The following MEIOB variants were observed in gnomAD, a reference collection of about 807,000 sequenced individuals.
The protein encoded by MEIOB is meiosis specific with OB-fold.
Under a neutral mutation model 53.1 loss-of-function variants are expected in MEIOB, and 50 were observed. The observed-to-expected ratio is 0.94, with a 90% confidence interval of 0.75 to 1.19. The LOEUF (loss-of-function observed/expected upper bound fraction) is 1.19. MEIOB is among the 50% of genes most tolerant of loss of function. MEIOB has a pLI of 0.00. For synonymous variants in MEIOB, 192 were observed against 182.5 expected (o/e 1.05, Z -0.42); for missense variants, 551 against 550.8 (o/e 1.00, Z 0.00).
At position 1,841,925 on chromosome 16, in the gene MEIOB, G is replaced by A. The variant is rs1191075607; in HGVS notation, c.929C>T (p.Ala310Val). Reference protein sequence around the residue: ...VYTVEQLKGKALKNEGKADPS... With the variant: ...VYTVEQLKGKVLKNEGKADPS... ...ATCAGCTTTTCCTTCATTCTTCAAA[G>A]CTTTTCCCTTTAATTGTTCAACTGT... The change falls in exon 11 of 14, where the codon GCT (alanine) becomes GTT (valine). Residue 310 changes from alanine (A) to valine (V), a missense_variant. Transcript: ENST00000325962. 1 of 1,608,132 alleles carries A rather than the reference G, an allele frequency of 6.2e-7. No homozygotes were observed. The highest frequency in any genetic ancestry group is 8.5e-7 in the Non-Finnish European group (1 of 1,177,176).
chr16:1,845,559 G>C (rs1053991929), intron 9 of MEIOB, among the ~76,000 whole-genome samples: 2 of 151,970 alleles, frequency 1.3e-5, no homozygotes, highest in African/African-American at 4.8e-5. Context: ...TTATCTGGAA[G>C]AATATATACG....
intron 9 of MEIOB, among the ~76,000 whole-genome samples, chr16:1,847,541 CAGG>C (rs1215807630): frequency 6.9e-6 from 1 of 145,904 alleles, no homozygotes; most frequent in Non-Finnish European, 1.5e-5. Context: ...GAGGCTGAGG[CAGG>C]AGGATTTCTT....
chr16:1,849,932 T>C (rs1376926098), intron 9 of MEIOB, among the ~76,000 whole-genome samples: 2 of 152,234 alleles, frequency 1.3e-5, no homozygotes, highest in African/African-American at 2.4e-5. Context: ...AATGTATACA[T>C]ATTTCAAAAC....
intron 2 of MEIOB, among the ~76,000 whole-genome samples, chr16:1,867,787 A>G (rs1279256418): frequency 6.6e-6 from 1 of 152,094 alleles, no homozygotes; most frequent in Non-Finnish European, 1.5e-5. Flanking sequence ...TAATTTTACA[A>G]TGCTAAATTT....
intron 1 of MEIOB, among the ~76,000 whole-genome samples, chr16:1,871,054 T>C (rs1489228812): frequency 2.6e-5 from 4 of 152,014 alleles, no homozygotes; most frequent in Non-Finnish European, 5.9e-5. Flanking sequence ...CTGCTACCGT[T>C]AGAGGTATAT....
intron 9 of MEIOB, among the ~76,000 whole-genome samples, chr16:1,850,893 C>T (rs1475497004): frequency 6.6e-6 from 1 of 151,908 alleles, no homozygotes; most frequent in African/African-American, 2.4e-5. Context: ...TGCACTCCAG[C>T]CTGGGCAACA....
At chr16:1,861,437 A>T (rs566264112) in intron 4 of MEIOB, among the ~76,000 whole-genome samples, 69 of 152,184 alleles carry the variant, frequency 4.5e-4, no homozygotes, top group Non-Finnish European at 8.2e-4. Context: ...TGCAAATTGA[A>T]ATATGTAATA....
chr16:1,868,396 G>A (rs941857178), intron 1 of MEIOB, among the ~76,000 whole-genome samples: 6 of 151,762 alleles, frequency 4.0e-5, no homozygotes, highest in Admixed American at 6.6e-5. Context: ...ACGTGGTAGC[G>A]GGCACCAGTA....
At chr16:1,842,598 G>C (rs1226499471) in intron 10 of MEIOB, among the ~76,000 whole-genome samples, 1 of 81,608 alleles carries the variant, frequency 1.2e-5, no homozygotes, top group Non-Finnish European at 2.5e-5. Context: ...ACTCCAGTCT[G>C]GGCAACAAGA....
Position 1,868,187 on chromosome 16 carries a change from G to C in MEIOB, c.-9-3C>G. 6.9e-7 allele frequency: 1 copy of C among 1,446,166 alleles called. No homozygotes were observed. Among genetic ancestry groups the C allele is most frequent in the Non-Finnish European group, 9.4e-7 (1 of 1,058,530 alleles). The allele number at this position is 1,446,166 out of a possible 1,614,324, so 89.6% of individuals were successfully genotyped here. On this transcript the variant is annotated splice_region_variant and splice_polypyrimidine_tract_variant and intron_variant, in intron 1 of 13. Coordinates refer to ENST00000325962, the MANE Select transcript of MEIOB (RefSeq NM_001163560.3). ...AAGGAGTTTGCCATTTTTTTAATCT[G>C]CATTTTAGAAAATATAATTTAGATA...
chr16:1,871,242 C>T (rs1567284181), intron 1 of MEIOB, among the ~76,000 whole-genome samples: 1 of 124,078 alleles, frequency 8.1e-6, no homozygotes, highest in Non-Finnish European at 1.8e-5. Context: ...TTTTTTGAGA[C>T]AGAGTCTTGC....
intron 13 of MEIOB, among the ~76,000 whole-genome samples, chr16:1,834,599 A>G (rs1398440647): frequency 6.6e-6 from 1 of 152,226 alleles, no homozygotes; most frequent in East Asian, 1.9e-4. Context: ...GTCACTTTTC[A>G]TGCTATTTCT....
intron 1 of MEIOB, 60 bp from the exon 2 acceptor site, chr16:1,868,244 A>G: frequency 1.0e-6 from 1 of 964,362 alleles, no homozygotes; most frequent in Non-Finnish European, 1.6e-6. Flanking sequence ...AAATCATTTA[A>G]AAAATTCCAA....
chr16:1,842,623 C>CAAAAAAAAAA lies in MEIOB; in HGVS notation c.881-651_881-650insTTTTTTTTTT, dbSNP rs202147878. 1.4e-4 allele frequency among the ~76,000 whole-genome samples: 14 copies of CAAAAAAAAAA among 97,780 alleles called. 1 individual carries two copies. The highest frequency in any genetic ancestry group is 4.0e-4 in the East Asian group (1 of 2,492). 64.1% of individuals were successfully genotyped at this position (97,780 alleles called of 152,430 possible). A position where few individuals can be genotyped will look rare whatever the true frequency, so the allele number is the denominator to read the frequency against. On this transcript the variant is annotated intron_variant, in intron 10 of 13. Coordinates refer to ENST00000325962, the MANE Select transcript of MEIOB (RefSeq NM_001163560.3). ...GGGCAACAAGAGCAAAACTCCATCT[C>CAAAAAAAAAA]AAAAAGACAGTGACTCGATTTTTTT... is the stretch of plus-strand genomic sequence containing the variant.
At chr16:1,852,391 T>C (rs929829581) in intron 9 of MEIOB, among the ~76,000 whole-genome samples, 2 of 150,778 alleles carry the variant, frequency 1.3e-5, no homozygotes, top group Admixed American at 6.7e-5. Flanking sequence ...GCTTCCCGAG[T>C]AGCTGGTACT....
At chr16:1,858,668 G>A (rs929657398) in intron 5 of MEIOB, among the ~76,000 whole-genome samples, 3 of 152,102 alleles carry the variant, frequency 2.0e-5, no homozygotes, top group Non-Finnish European at 4.4e-5. Context: ...AAATAACTCA[G>A]TATGAAAGCA....
chr16:1,864,124 G>C (rs1211803825), intron 3 of MEIOB, among the ~76,000 whole-genome samples: 3 of 152,128 alleles, frequency 2.0e-5, no homozygotes, highest in African/African-American at 7.2e-5. Flanking sequence ...TGCACTCCAG[G>C]CTGAGTGACA....
intron 12 of MEIOB, 146 bp downstream of exon 12, chr16:1,839,109 T>G (rs913847811): frequency 1.0e-5 from 9 of 875,636 alleles, no homozygotes; most frequent in Non-Finnish European, 1.2e-5. Context: ...CAAAGCAATG[T>G]GTGTTTAAAG....
chr16:1,862,123 G>T lies in MEIOB; in HGVS notation c.128-7C>A. 2 of 1,547,656 alleles carry T rather than the reference G, an allele frequency of 1.3e-6. No individual in the cohort carries two copies. The highest frequency in any genetic ancestry group is 2.4e-5 in the South Asian group (2 of 83,100). ...TACCTTTCTGATCCAATATCTAAGGGAAAACCAATGCTTTTATTTTTCAAA... is the reference window on the plus strand; with the variant it reads ...TACCTTTCTGATCCAATATCTAAGGTAAAACCAATGCTTTTATTTTTCAAA... On this transcript the variant is annotated splice_region_variant and splice_polypyrimidine_tract_variant and intron_variant, in intron 3 of 13. Transcript: ENST00000325962.
Sources: allele counts gnomAD v4.1 joint callset (sites outside exome capture counted in the v4.1 genomes callset), GRCh38; gene constraint gnomAD v4.1.1; transcripts MANE v1.5; gene names NCBI Gene and HGNC (gene_info 2026-07-23, HGNC 2026-07-21).